Variants in CLVS1 observed in about 807,000 individuals in gnomAD.
CLVS1 encodes clavesin-1.
In CLVS1, 10 loss-of-function variants were observed where a neutral mutation model predicts 33.1. The observed-to-expected ratio is 0.30, with a 90% confidence interval of 0.19 to 0.51. The LOEUF (loss-of-function observed/expected upper bound fraction) is 0.51. Among genes scored for constraint, CLVS1 ranks in the 20% least tolerant of loss-of-function variants. CLVS1 has a pLI of 0.97. For synonymous variants in CLVS1, 163 were observed against 166.1 expected (o/e 0.98, Z 0.14); for missense variants, 343 against 433.4 (o/e 0.79, Z 1.85).
chr8:61,020,185 C>T, the CLVS1 span, among the ~76,000 whole-genome samples: 1 of 152,272 alleles, frequency 6.6e-6, no homozygotes, highest in South Asian at 2.1e-4. Context: ...GGTCTCCCTG[C>T]CAAACACCAG....
upstream of CLVS1, among the ~76,000 whole-genome samples, chr8:61,287,245 T>C (rs1159074303): frequency 1.3e-5 from 2 of 152,178 alleles, no homozygotes; most frequent in African/African-American, 4.8e-5. Flanking sequence ...TATTTTCATT[T>C]ACTGGCGAGG....
At chr8:61,175,951 G>T (rs528128485) in intron 2 of CLVS1, among the ~76,000 whole-genome samples, 1 of 152,328 alleles carries the variant, frequency 6.6e-6, no homozygotes, top group South Asian at 2.1e-4. Flanking sequence ...GGGGCAAGAA[G>T]TTGTTGCCAT....
At chr8:61,225,233 A>G (rs532375603) in intron 2 of CLVS1, among the ~76,000 whole-genome samples, 6 of 152,036 alleles carry the variant, frequency 3.9e-5, no homozygotes, top group Non-Finnish European at 7.4e-5. Flanking sequence ...CAGGAGAATC[A>G]CTTGAACCCT....
At chr8:61,097,654 C>T (rs1190314201) in intron 1 of CLVS1, among the ~76,000 whole-genome samples, 2 of 152,114 alleles carry the variant, frequency 1.3e-5, no homozygotes, top group Non-Finnish European at 2.9e-5. Context: ...GGCACCAAGT[C>T]CCTCTTATTT....
chr8:61,075,029 G>A (rs1362268708), intron 1 of CLVS1, among the ~76,000 whole-genome samples: 1 of 152,036 alleles, frequency 6.6e-6, no homozygotes, highest in Admixed American at 6.5e-5. Context: ...GTTCAGGCGG[G>A]CATACACAGT....
chr8:61,355,867 T>A (rs1430207032), intron 2 of CLVS1, among the ~76,000 whole-genome samples: 3 of 152,236 alleles, frequency 2.0e-5, no homozygotes, highest in Non-Finnish European at 4.4e-5. Context: ...AGTGCCGCAA[T>A]AAACATACGT....
At chr8:61,478,648 T>G (rs1586032931) in intron 5 of CLVS1, among the ~76,000 whole-genome samples, 1 of 152,196 alleles carries the variant, frequency 6.6e-6, no homozygotes, top group African/African-American at 2.4e-5. Context: ...ACCCCTGCCT[T>G]TTTTTGTTTT....
intron 3 of CLVS1, among the ~76,000 whole-genome samples, chr8:61,400,875 A>G (rs189177769): frequency 1.3e-5 from 2 of 152,144 alleles, no homozygotes; most frequent in African/African-American, 2.4e-5. Flanking sequence ...CCATCCAGGG[A>G]TGAAGCCTAC....
chr8:61,282,918 C>G (rs1809702771), intron 2 of CLVS1, among the ~76,000 whole-genome samples: 1 of 152,216 alleles, frequency 6.6e-6, no homozygotes, highest in Non-Finnish European at 1.5e-5. Context: ...TCTCCAAACA[C>G]TCCCTGGCTT....
intron 2 of CLVS1, among the ~76,000 whole-genome samples, chr8:61,337,759 A>G (rs1387919820): frequency 1.3e-5 from 2 of 152,226 alleles, no homozygotes; most frequent in Non-Finnish European, 1.5e-5. Flanking sequence ...TAATTCACCC[A>G]AGGTCAAACA....
At chr8:61,143,284 A>G (rs958060350) in intron 2 of CLVS1, among the ~76,000 whole-genome samples, 1 of 152,214 alleles carries the variant, frequency 6.6e-6, no homozygotes, top group Non-Finnish European at 1.5e-5. Context: ...GTGACCGTAC[A>G]GTCAACACAA....
At chr8:61,255,339 A>G (rs761549532) in intron 2 of CLVS1, among the ~76,000 whole-genome samples, 2 of 151,964 alleles carry the variant, frequency 1.3e-5, no homozygotes, top group Non-Finnish European at 2.9e-5. Context: ...CCTTCACATT[A>G]CCAGACTTCT....
At chr8:61,165,110 C>T (rs1806832220) in intron 2 of CLVS1, among the ~76,000 whole-genome samples, 2 of 152,218 alleles carry the variant, frequency 1.3e-5, no homozygotes, top group African/African-American at 4.8e-5. Flanking sequence ...CAAACCCAGG[C>T]ACTTAGCCGT....
chr8:60,987,390 G>A, the CLVS1 span, among the ~76,000 whole-genome samples: 3 of 152,156 alleles, frequency 2.0e-5, no homozygotes, highest in African/African-American at 7.2e-5. Flanking sequence ...TGAGAGCTAC[G>A]GTTACTTGAG....
chr8:61,447,322 T>A (rs1044890931), intron 3 of CLVS1, among the ~76,000 whole-genome samples: 4 of 152,126 alleles, frequency 2.6e-5, no homozygotes, highest in African/African-American at 9.6e-5. Context: ...TCATGTTTTT[T>A]AATTTACTAT....
intron 2 of CLVS1, among the ~76,000 whole-genome samples, chr8:61,338,621 G>C (rs749384138): frequency 2.6e-5 from 4 of 152,180 alleles, no homozygotes; most frequent in Non-Finnish European, 4.4e-5. Flanking sequence ...AAAACCATAT[G>C]CTCATTCCAA....
intron 1 of CLVS1, among the ~76,000 whole-genome samples, chr8:61,110,415 A>G (rs762610856): frequency 1.3e-5 from 2 of 152,088 alleles, no homozygotes; most frequent in Non-Finnish European, 2.9e-5. Flanking sequence ...GTTTTGTCTT[A>G]GATTGAAACC....
chr8:61,076,323 A>T (rs1039422267), intron 1 of CLVS1, among the ~76,000 whole-genome samples: 2 of 152,196 alleles, frequency 1.3e-5, no homozygotes, highest in African/African-American at 4.8e-5. Context: ...AAAAAAACGC[A>T]TGCATGCTGG....
chr8:61,015,419 T>C, the CLVS1 span, among the ~76,000 whole-genome samples: 2 of 152,372 alleles, frequency 1.3e-5, no homozygotes, highest in East Asian at 3.9e-4. Flanking sequence ...AATGGATTTA[T>C]CTTGTTTTAA....
Sources: allele counts gnomAD v4.1 joint callset (sites outside exome capture counted in the v4.1 genomes callset), GRCh38; gene constraint gnomAD v4.1.1; transcripts MANE v1.5; gene names NCBI Gene and HGNC (gene_info 2026-07-23, HGNC 2026-07-21).